Variants in CDH13 observed in about 807,000 individuals in gnomAD.
The protein encoded by CDH13 is cadherin 13.
A neutral mutation model predicts 63.8 loss-of-function variants in CDH13; 24 were observed. The observed-to-expected ratio is 0.38, with a 90% confidence interval of 0.27 to 0.53. CDH13 has a LOEUF of 0.53. CDH13 is among the 20% of genes least tolerant of loss of function. The probability of loss-of-function intolerance (pLI) is 0.85; values close to 1 mark genes in which losing one functional copy is unlikely to be tolerated. For missense variants in CDH13, 1,049 were observed against 903.1 expected, an observed-to-expected ratio of 1.16 and a Z score of -2.07; for synonymous variants, 503 against 355.3, an observed-to-expected ratio of 1.42 and a Z score of -4.67.
chr16:83,139,460 G>A (rs149997182), intron 4 of CDH13, among the ~76,000 whole-genome samples: 2 of 152,258 alleles, frequency 1.3e-5, no homozygotes, highest in African/African-American at 4.8e-5. Flanking sequence ...GAATGCTGAT[G>A]TTGGCTATGC....
chr16:83,421,673 C>G (rs1254536867), intron 6 of CDH13, among the ~76,000 whole-genome samples: 3 of 152,176 alleles, frequency 2.0e-5, no homozygotes, highest in Non-Finnish European at 4.4e-5. Flanking sequence ...ATGGCCACCC[C>G]TACTGTTGAG....
rs1416589969 is a variant in CDH13 at position 83,653,191 on chromosome 16, T to C, written c.1102-17599T>C. Among the ~76,000 whole-genome samples, 3 of 152,172 alleles carry C rather than the reference T, an allele frequency of 2.0e-5. No homozygotes were observed. In the East Asian group the frequency reaches 5.8e-4, roughly 29 times the overall value. On this transcript the variant is annotated intron_variant, in intron 8 of 13. Transcript: ENST00000567109. ...TGGCTGCTCCTGGGGGTGGGGCTTCTGTTCGAGGTGTTAAAAAAATTCTAA... is the reference window on the plus strand; with the variant it reads ...TGGCTGCTCCTGGGGGTGGGGCTTCCGTTCGAGGTGTTAAAAAAATTCTAA...
At chr16:83,459,396 C>G (rs940188696) in intron 6 of CDH13, among the ~76,000 whole-genome samples, 2 of 152,232 alleles carry the variant, frequency 1.3e-5, no homozygotes, top group African/African-American at 4.8e-5. Flanking sequence ...TCCCATGTTT[C>G]ATGAGCCTTA....
chr16:83,273,084 A>G (rs928769211), intron 5 of CDH13, among the ~76,000 whole-genome samples: 1 of 152,216 alleles, frequency 6.6e-6, no homozygotes, highest in Non-Finnish European at 1.5e-5. Context: ...GAAGCACCAC[A>G]AAGCTGCTAT....
intron 1 of CDH13, among the ~76,000 whole-genome samples, chr16:82,792,359 T>C (rs919789442): frequency 6.6e-6 from 1 of 152,148 alleles, no homozygotes; most frequent in African/African-American, 2.4e-5. Context: ...CTATTTGATA[T>C]TTGTGCGTGG....
chr16:83,403,026 G>GTGAT (rs778770087), intron 6 of CDH13, among the ~76,000 whole-genome samples: 3 of 152,124 alleles, frequency 2.0e-5, no homozygotes, highest in Non-Finnish European at 2.9e-5. Context: ...GATTTATAAT[G>GTGAT]TGATATTTAA....
At chr16:83,061,682 G>A (rs562367640) in intron 3 of CDH13, among the ~76,000 whole-genome samples, 9 of 152,110 alleles carry the variant, frequency 5.9e-5, no homozygotes, top group Middle Eastern at 3.2e-3. Flanking sequence ...GAAACCAGAC[G>A]CCTCCAGTTA....
At chr16:83,233,888 C>T (rs2040074298) in intron 5 of CDH13, among the ~76,000 whole-genome samples, 1 of 152,218 alleles carries the variant, frequency 6.6e-6, no homozygotes, top group African/African-American at 2.4e-5. Flanking sequence ...CCTACCACCA[C>T]ACTCCTTGTA....
intron 4 of CDH13, among the ~76,000 whole-genome samples, chr16:83,191,504 T>TATATATATATGCACATATATATATATAC (rs1555510518): frequency 2.1e-5 from 2 of 93,812 alleles, no homozygotes; most frequent in Non-Finnish European, 4.0e-5. Flanking sequence ...TATATATATA[T>TATATATATATGCACATATATATATATAC]ACACACACAC....
intron 11 of CDH13, among the ~76,000 whole-genome samples, chr16:83,750,256 A>G (rs1294761276): frequency 2.6e-5 from 4 of 152,104 alleles, no homozygotes; most frequent in African/African-American, 9.7e-5. Flanking sequence ...AGATTATGCC[A>G]CTGCACTCCA....
At chr16:82,736,588 G>C (rs2033685269) in intron 1 of CDH13, among the ~76,000 whole-genome samples, 2 of 152,164 alleles carry the variant, frequency 1.3e-5, no homozygotes, top group African/African-American at 4.8e-5. Context: ...CTAAATACTT[G>C]TTAAGGTTCA....
chr16:83,649,646 C>T (rs547968691), intron 8 of CDH13, among the ~76,000 whole-genome samples: 102 of 152,116 alleles, frequency 6.7e-4, no homozygotes, highest in Admixed American at 1.0e-3. Context: ...AGGAAGATAG[C>T]CTCCTGCAGC....
chr16:83,331,148 TAC>T (rs1163052314), intron 5 of CDH13, among the ~76,000 whole-genome samples: 1 of 152,182 alleles, frequency 6.6e-6, no homozygotes, highest in Admixed American at 6.5e-5. Flanking sequence ...GGCCTTAAAG[TAC>T]AGTCTCCCTG....
chr16:83,405,559 C>T (rs1278326343), intron 6 of CDH13, among the ~76,000 whole-genome samples: 1 of 152,130 alleles, frequency 6.6e-6, no homozygotes, highest in Non-Finnish European at 1.5e-5. Context: ...AGGAATGTAG[C>T]CCTTTGGATT....
chr16:83,288,092 T>A (rs1458203615), intron 5 of CDH13, among the ~76,000 whole-genome samples: 1 of 152,242 alleles, frequency 6.6e-6, no homozygotes, highest in Admixed American at 6.5e-5. Flanking sequence ...GTGTCCATCA[T>A]GACCTTTTTG....
chr16:83,250,239 A>G (rs931085036), intron 5 of CDH13, among the ~76,000 whole-genome samples: 7 of 152,344 alleles, frequency 4.6e-5, no homozygotes, highest in African/African-American at 1.4e-4. Flanking sequence ...CCCAATGAGC[A>G]TTCAAAAAAG....
chr16:83,057,607 C>T lies in CDH13; in HGVS notation c.366+25389C>T, dbSNP rs149410119. ...CTATTGTTAAAAAAAAAAAAAGGCT[C>T]ACCACTGAGGCTGTAAGGCTAAATC... On this transcript the variant is annotated intron_variant, in intron 3 of 13. Transcript: ENST00000567109. Among the ~76,000 whole-genome samples the T allele has an allele frequency of 4.9e-3, 739 of 149,816 alleles. 6 individuals are homozygous for T. The highest frequency in any genetic ancestry group is 0.017 in the African/African-American group (711 of 40,702).
rs141285113 is a variant in CDH13 at position 83,295,995 on chromosome 16, C to T, written c.637-48867C>T. Among the ~76,000 whole-genome samples the T allele has an allele frequency of 3.9e-3, 593 of 152,134 alleles. 4 individuals are homozygous for T. Among genetic ancestry groups the T allele is most frequent in the African/African-American group, 0.01 (433 of 41,522 alleles). On this transcript the variant is annotated intron_variant, in intron 5 of 13. Transcript: ENST00000567109. ...AGAATTAAAATTGTATCTTTATGAG[C>T]CTATTGATGTTTCAGAGAAATAAAC...
chr16:82,903,524 C>G (rs941932546), intron 2 of CDH13, among the ~76,000 whole-genome samples: 3 of 152,214 alleles, frequency 2.0e-5, no homozygotes, highest in Non-Finnish European at 4.4e-5. Flanking sequence ...GCCACCCACC[C>G]TGCCATTATC....
Sources: gnomAD v4.1 joint callset for allele counts (sites outside exome capture counted in the v4.1 genomes callset) on GRCh38, gnomAD v4.1.1 for gene constraint, MANE v1.5 for transcripts, NCBI Gene and HGNC (gene_info 2026-07-23, HGNC 2026-07-21) for gene names.